PRKN: variants seen among roughly 807,000 people sequenced by gnomAD.
PRKN encodes the protein E3 ubiquitin-protein ligase parkin.
In PRKN, 56 loss-of-function variants were observed where a neutral mutation model predicts 59.5. That is an observed-to-expected ratio of 0.94 (90% CI 0.76 to 1.18). The LOEUF (loss-of-function observed/expected upper bound fraction) is 1.18. Ranked by LOEUF, PRKN falls within the 50% of genes most tolerant of loss-of-function variation. PRKN has a pLI of 0.00. For missense variants in PRKN, 657 were observed against 596.4 expected (o/e 1.10, Z -1.06); for synonymous variants, 250 against 222.1 (o/e 1.13, Z -1.12).
intron 7 of PRKN, among the ~76,000 whole-genome samples, chr6:161,738,746 C>T (rs932679968): frequency 6.6e-6 from 1 of 152,092 alleles, no homozygotes; most frequent in Non-Finnish European, 1.5e-5. Context: ...AGGTGGGGGT[C>T]CAGCATCAGG....
At chr6:162,632,857 A>C (rs191539175) in intron 1 of PRKN, among the ~76,000 whole-genome samples, 4 of 152,254 alleles carry the variant, frequency 2.6e-5, no homozygotes, top group Admixed American at 2.6e-4. Flanking sequence ...ATAATACAAA[A>C]TAATCAGGCT....
At chr6:161,815,653 C>T (rs1791743927) in intron 6 of PRKN, among the ~76,000 whole-genome samples, 1 of 152,212 alleles carries the variant, frequency 6.6e-6, no homozygotes, top group Admixed American at 6.5e-5. Flanking sequence ...AGCAAGCGTG[C>T]TGAGTCCTGC....
intron 10 of PRKN, among the ~76,000 whole-genome samples, chr6:161,384,896 C>T (rs1180449029): frequency 6.6e-6 from 1 of 152,190 alleles, no homozygotes; most frequent in East Asian, 1.9e-4. Flanking sequence ...CCATGGCTCC[C>T]CTATGAGCCT....
chr6:162,272,818 C>T (rs1451675513), intron 2 of PRKN, among the ~76,000 whole-genome samples: 1 of 151,596 alleles, frequency 6.6e-6, no homozygotes, highest in Non-Finnish European at 1.5e-5. Context: ...GCACACGTGG[C>T]AAAACCTGGT....
intron 2 of PRKN, among the ~76,000 whole-genome samples, chr6:162,308,049 T>G (rs1782311309): frequency 6.6e-6 from 1 of 152,184 alleles, no homozygotes; most frequent in Admixed American, 6.5e-5. Flanking sequence ...GGATCCTTTC[T>G]AATAAGAAAG....
chr6:161,884,802 T>C (rs923172626), intron 6 of PRKN, among the ~76,000 whole-genome samples: 2 of 123,852 alleles, frequency 1.6e-5, no homozygotes, highest in African/African-American at 6.1e-5. Flanking sequence ...TGTACATTTA[T>C]TGTCTACACA....
intron 1 of PRKN, among the ~76,000 whole-genome samples, chr6:162,501,273 T>C (rs1441744088): frequency 1.3e-5 from 2 of 152,050 alleles, no homozygotes; most frequent in Non-Finnish European, 2.9e-5. Flanking sequence ...AATGTAAATA[T>C]AGCAGTCTTT....
Position 162,525,826 on chromosome 6 carries a change from T to A in PRKN, c.8-82353A>T, listed in dbSNP as rs868277951. 2.6e-5 allele frequency among the ~76,000 whole-genome samples: 4 copies of A among 152,166 alleles called. No individual in the cohort carries two copies. The East Asian group carries it at 5.8e-4, about 22-fold the overall frequency. On this transcript the variant is annotated intron_variant, in intron 1 of 11. Transcript: ENST00000366898. ...TTAAATCGCTAAGCTGTAAAACATA[T>A]GATTCACTATTTATTTTTAAATTGT...
At chr6:162,364,798 G>C (rs1214205540) in intron 2 of PRKN, among the ~76,000 whole-genome samples, 1 of 152,116 alleles carries the variant, frequency 6.6e-6, no homozygotes, top group East Asian at 1.9e-4. Flanking sequence ...ATGAGCCAGA[G>C]TTCAGATAAA....
intron 6 of PRKN, among the ~76,000 whole-genome samples, chr6:161,801,984 G>A (rs1264827788): frequency 1.3e-5 from 2 of 152,130 alleles, no homozygotes; most frequent in African/African-American, 4.8e-5. Context: ...TCCTCAAATT[G>A]AACTTGCAGA....
chr6:161,596,270 A>G (rs1781909706), intron 7 of PRKN, among the ~76,000 whole-genome samples: 1 of 152,192 alleles, frequency 6.6e-6, no homozygotes, highest in Admixed American at 6.5e-5. Context: ...AGGCAGAACA[A>G]GAGGAGAGAA....
At chr6:161,408,453 G>A (rs942113159) in intron 9 of PRKN, among the ~76,000 whole-genome samples, 1 of 150,174 alleles carries the variant, frequency 6.7e-6, no homozygotes, top group Admixed American at 6.6e-5. Flanking sequence ...GTCCAGCCAC[G>A]TGGGATTATG....
chr6:161,789,229 C>T (rs1050541948), intron 6 of PRKN, among the ~76,000 whole-genome samples: 14 of 152,192 alleles, frequency 9.2e-5, no homozygotes, highest in African/African-American at 3.4e-4. Flanking sequence ...AGAAGGTCTA[C>T]ATCATTAACT....
chr6:161,839,746 C>T (rs1792907268), intron 6 of PRKN, among the ~76,000 whole-genome samples: 1 of 152,190 alleles, frequency 6.6e-6, no homozygotes, highest in Admixed American at 6.5e-5. Context: ...CGTGGAGCTA[C>T]AGGAGGGGCG....
At chr6:162,252,516 ATGGC>A (rs1779476030) in intron 3 of PRKN, among the ~76,000 whole-genome samples, 1 of 152,220 alleles carries the variant, frequency 6.6e-6, no homozygotes, top group Admixed American at 6.5e-5. Flanking sequence ...CACCAATGTG[ATGGC>A]ATTCAGACAT....
At chr6:162,637,796 T>C (rs886329536) in intron 1 of PRKN, among the ~76,000 whole-genome samples, 11 of 152,216 alleles carry the variant, frequency 7.2e-5, no homozygotes, top group Non-Finnish European at 1.5e-4. Context: ...AGAACTTCTT[T>C]AAAAGTCACT....
intron 6 of PRKN, among the ~76,000 whole-genome samples, chr6:161,886,912 C>T (rs993443623): frequency 6.6e-6 from 1 of 151,718 alleles, no homozygotes; most frequent in Non-Finnish European, 1.5e-5. Flanking sequence ...TGAAATCATA[C>T]AAAGAAAATA....
chr6:161,748,978 C>T (rs1163651800), intron 7 of PRKN, among the ~76,000 whole-genome samples: 1 of 152,124 alleles, frequency 6.6e-6, no homozygotes, highest in Non-Finnish European at 1.5e-5. Context: ...CAAACCAACC[C>T]GCCGCCAGGG....
intron 1 of PRKN, among the ~76,000 whole-genome samples, chr6:162,557,111 C>T (rs1038177767): frequency 6.6e-6 from 1 of 152,226 alleles, no homozygotes; most frequent in Non-Finnish European, 1.5e-5. Context: ...GCCAGGACAA[C>T]AGAAAGCTGA....
Sources: gnomAD v4.1 joint callset for allele counts (sites outside exome capture counted in the v4.1 genomes callset) on GRCh38, gnomAD v4.1.1 for gene constraint, MANE v1.5 for transcripts, NCBI Gene and HGNC (gene_info 2026-07-23, HGNC 2026-07-21) for gene names.